The following TXN variants were observed in gnomAD, a reference collection of about 807,000 sequenced individuals.
TXN encodes the protein ADF.
Under a neutral mutation model 16.5 loss-of-function variants are expected in TXN, and 10 were observed. The ratio of observed to expected loss-of-function variants is 0.61; its 90% CI spans 0.37 to 1.03. The LOEUF is 1.03. TXN is among the 50% of genes least tolerant of loss of function. The probability of loss-of-function intolerance (pLI) is 0.01; values close to 1 mark genes in which losing one functional copy is unlikely to be tolerated. For missense variants in TXN, 71 were observed against 122.5 expected (o/e 0.58, Z 1.98); for synonymous variants, 35 against 39.4 (o/e 0.89, Z 0.42).
chr9:110,247,388 GCT>G, intron 3 of TXN, among the ~76,000 whole-genome samples: 1 of 151,718 alleles, frequency 6.6e-6, no homozygotes, highest in East Asian at 1.9e-4. Flanking sequence ...TGAAGGAGGA[GCT>G]CTGTCATACG....
rs1554766526 is a variant in TXN, at chr9:110,244,299, T to TTATATATATACATATACATATGTA, written c.256-104_256-81dup. The TTATATATATACATATACATATGTA allele has an allele frequency of 1.0e-3, 376 of 367,486 alleles. 14 individuals carry two copies. The highest frequency in any genetic ancestry group is 1.6e-3 in the Admixed American group (29 of 17,850). 22.8% of individuals were successfully genotyped at this position (367,486 alleles called of 1,614,324 possible). ...ACATAAAATATGTATAAATATGTAT[T>TTATATATATACATATACATATGTA]TATATATATACATATACATATGTAT... is the stretch of plus-strand genomic sequence containing the variant. On this transcript the variant is annotated intron_variant, in intron 4 of 4. Transcript: ENST00000374517.
intron 1 of TXN, among the ~76,000 whole-genome samples, chr9:110,252,223 CAAAAAAAA>C (rs377246017): frequency 3.4e-5 from 2 of 58,422 alleles, no homozygotes; most frequent in African/African-American, 9.2e-5. Flanking sequence ...GACTCTGTCG[CAAAAAAAA>C]AAAAAAAAAA....
At chr9:110,247,397 T>C (rs1227937036) in intron 3 of TXN, among the ~76,000 whole-genome samples, 2 of 151,628 alleles carry the variant, frequency 1.3e-5, no homozygotes, top group East Asian at 1.9e-4. Context: ...AGCTCTGTCA[T>C]ACGGAAGTCC....
At chr9:110,252,417 T>C (rs1324364421) in intron 1 of TXN, among the ~76,000 whole-genome samples, 3 of 152,094 alleles carry the variant, frequency 2.0e-5, no homozygotes, top group Non-Finnish European at 4.4e-5. Context: ...CAACCTTTGA[T>C]TTTTGCCCTT....
chr9:110,246,579 G>A (rs1837663397), intron 3 of TXN, among the ~76,000 whole-genome samples: 1 of 152,008 alleles, frequency 6.6e-6, no homozygotes, highest in Admixed American at 6.6e-5. Flanking sequence ...GACAGCAAGC[G>A]AGCAGGCAGG....
In TXN at chr9:110,251,427, A is replaced by G. The variant is rs1349426017; in HGVS notation, c.60T>C (p.Asp20=). The change falls in exon 2 of 5, where the codon GAT becomes GAC. Residue 20 remains aspartate (D), a synonymous_variant. Coordinates refer to ENST00000374517, the MANE Select transcript of TXN (RefSeq NM_003329.4). ...AFQEALDAAG[D]KLVVVDFSAT... is the part of the protein sequence containing the mutation. ...CTGAGAAGTCAACTACTACAAGTTT[A>G]TCACCTGCAGCGTCCAAGGCTTCCT... 6.2e-7 allele frequency: 1 copy of G among 1,612,226 alleles called. No homozygotes were observed. Among genetic ancestry groups the G allele is most frequent in the Admixed American group, 1.7e-5 (1 of 60,006 alleles).
At chr9:110,254,952 A>G (rs2118584234) in intron 1 of TXN, among the ~76,000 whole-genome samples, 1 of 152,366 alleles carries the variant, frequency 6.6e-6, no homozygotes, top group East Asian at 1.9e-4. Flanking sequence ...GAAAAAAAGT[A>G]TATGAAAGAC....
At chr9:110,251,743 T>C (rs1837741617) in intron 1 of TXN, among the ~76,000 whole-genome samples, 1 of 152,030 alleles carries the variant, frequency 6.6e-6, no homozygotes, top group East Asian at 1.9e-4. Context: ...TTATAAAATA[T>C]TGTGAACTGG....
intron 3 of TXN, chr9:110,245,081 T>C (rs4135218): frequency 0.46 from 154,105 of 331,572 alleles, 37,642 homozygotes; most frequent in African/African-American, 0.67. Context: ...ACGGGCACAT[T>C]AACAGGCAGA....
chr9:110,246,810 G>A (rs974045241), intron 3 of TXN, among the ~76,000 whole-genome samples: 21 of 152,148 alleles, frequency 1.4e-4, no homozygotes, highest in African/African-American at 5.1e-4. Context: ...GAATAAAAAT[G>A]GTGAATGTTT....
intron 3 of TXN, among the ~76,000 whole-genome samples, chr9:110,246,396 C>T (rs947240225): frequency 2.0e-5 from 3 of 152,052 alleles, no homozygotes; most frequent in African/African-American, 7.2e-5. Context: ...CTTATAATAC[C>T]CCATGCTCAA....
At chr9:110,244,279 A>T in intron 4 of TXN, 60 bp from the exon 5 acceptor site, 19 of 607,002 alleles carry the variant, frequency 3.1e-5, no homozygotes, top group Non-Finnish European at 4.5e-5. Context: ...TTTATACATA[A>T]AATATGTATA....
chr9:110,250,115 A>G (rs1837711725), intron 3 of TXN, among the ~76,000 whole-genome samples: 1 of 152,266 alleles, frequency 6.6e-6, no homozygotes, highest in Non-Finnish European at 1.5e-5. Context: ...AAGCCAGACC[A>G]CTTCATTTTA....
At chr9:110,244,510 C>T (rs1837623423) in intron 4 of TXN, among the ~76,000 whole-genome samples, 1 of 152,064 alleles carries the variant, frequency 6.6e-6, no homozygotes, top group Middle Eastern at 3.4e-3. Context: ...TTCTTTTACA[C>T]AATACTTAAC....
At chr9:110,244,744 C>G (rs540984322) in intron 4 of TXN, 34 bp downstream of exon 4, 1 of 1,565,920 alleles carries the variant, frequency 6.4e-7, no homozygotes. Flanking sequence ...TTTCCTATTG[C>G]CCAGTTAGAG....
chr9:110,244,843 C>G lies in TXN; in HGVS notation c.190G>C (p.Asp64His), dbSNP rs762097307. Residue 64 changes from aspartate to histidine, a missense_variant and splice_region_variant, in exon 4 of 5, where the codon GAT becomes CAT. By Grantham distance (81) the Asp-to-His change is moderately conservative. Transcript: ENST00000374517. ...TTGACTTCACACTCTGAAGCAACATCCTGGTAGGGAAAGTAGCAAAGGGAG... is the reference window on the plus strand; with the variant it reads ...TTGACTTCACACTCTGAAGCAACATGCTGGTAGGGAAAGTAGCAAAGGGAG... ...FLEVDVDDCQ[D>H]VASECEVKCM... The G allele has an allele frequency of 1.2e-6, 2 of 1,612,628 alleles. No homozygotes were observed. Among genetic ancestry groups the G allele is most frequent in the Non-Finnish European group, 1.7e-6 (2 of 1,178,878 alleles).
In TXN at chr9:110,251,377, ATTTT is replaced by A; in HGVS notation, c.106_109del (p.Lys36Ter). 1 of 1,611,464 alleles carries A rather than the reference ATTTT, an allele frequency of 6.2e-7. No individual in the cohort carries two copies. Among genetic ancestry groups the A allele is most frequent in the Non-Finnish European group, 8.5e-7 (1 of 1,179,412 alleles). ...ACTCACATGAAAGAAAGGCTTGATCATTTTGCAAGGCCCACACCACGTGGCTGAG... is the reference window on the plus strand; with the variant it reads ...ACTCACATGAAAGAAAGGCTTGATCAGCAAGGCCCACACCACGTGGCTGAG... On this transcript the variant is annotated frameshift_variant, in exon 2 of 5. Transcript: ENST00000374517. LOFTEE classifies it high-confidence loss of function.
intron 3 of TXN, among the ~76,000 whole-genome samples, chr9:110,247,888 A>G (rs1044272263): frequency 6.6e-6 from 1 of 152,230 alleles, no homozygotes; most frequent in Admixed American, 6.5e-5. Context: ...TGAAAGGTCC[A>G]TGCATGTTAC....
At chr9:110,248,631 A>C (rs1014094949) in intron 3 of TXN, among the ~76,000 whole-genome samples, 7 of 152,212 alleles carry the variant, frequency 4.6e-5, no homozygotes, top group Non-Finnish European at 7.3e-5. Flanking sequence ...TCCTAAAGGC[A>C]GTAAGAAGAC....
Sources: allele counts gnomAD v4.1 joint callset (sites outside exome capture counted in the v4.1 genomes callset), GRCh38; gene constraint gnomAD v4.1.1; transcripts MANE v1.5; gene names NCBI Gene and HGNC (gene_info 2026-07-23, HGNC 2026-07-21).